The following CSMD1 variants were observed in gnomAD, a reference collection of about 807,000 sequenced individuals.
CSMD1 encodes the protein CUB and sushi domain-containing protein 1.
In CSMD1, 213 loss-of-function variants were observed where a neutral mutation model predicts 417.5. That is an observed-to-expected ratio of 0.51 (90% CI 0.46 to 0.57). The LOEUF (loss-of-function observed/expected upper bound fraction) is 0.57. Ranked by LOEUF, CSMD1 falls within the 20% of genes least tolerant of loss-of-function variation. The probability of loss-of-function intolerance (pLI) is 0.00; values close to 1 mark genes in which losing one functional copy is unlikely to be tolerated. For missense variants in CSMD1, 6,923 were observed against 4,529.7 expected (o/e 1.53, Z -15.17); for synonymous variants, 2,862 against 1,736.8 (o/e 1.65, Z -16.11).
At chr8:3,337,473 A>G (rs892530877) in intron 23 of CSMD1, among the ~76,000 whole-genome samples, 1 of 152,174 alleles carries the variant, frequency 6.6e-6, no homozygotes, top group African/African-American at 2.4e-5. Context: ...ATGGCTTCAA[A>G]GATCTCTTTG....
chr8:4,198,410 G>A (rs533937390), intron 3 of CSMD1, among the ~76,000 whole-genome samples: 2 of 152,194 alleles, frequency 1.3e-5, no homozygotes, highest in Non-Finnish European at 2.9e-5. Context: ...AGAATTTTCA[G>A]ATTGGCAATA....
At chr8:4,098,484 C>A (rs2130869977) in intron 3 of CSMD1, among the ~76,000 whole-genome samples, 1 of 152,040 alleles carries the variant, frequency 6.6e-6, no homozygotes, top group Admixed American at 6.6e-5. Flanking sequence ...TTGTCTAGCT[C>A]CTGTGTTTTA....
intron 25 of CSMD1, among the ~76,000 whole-genome samples, chr8:3,295,650 G>T (rs566777008): frequency 7.9e-5 from 12 of 152,242 alleles, no homozygotes; most frequent in African/African-American, 1.9e-4. Flanking sequence ...TTGCTAACTC[G>T]CTCTCCCTTG....
chr8:4,403,828 T>C (rs1422956443), intron 3 of CSMD1, among the ~76,000 whole-genome samples: 1 of 152,166 alleles, frequency 6.6e-6, no homozygotes, highest in Admixed American at 6.5e-5. Flanking sequence ...AAATGGCATC[T>C]GCCATTGGGT....
chr8:4,727,498 C>G (rs1056051510), intron 1 of CSMD1, among the ~76,000 whole-genome samples: 21 of 152,126 alleles, frequency 1.4e-4, no homozygotes, highest in Non-Finnish European at 2.6e-4. Flanking sequence ...TTGGCACTTT[C>G]AAAAAGCAAG....
rs541274312 is a variant in CSMD1, at chr8:4,785,065, A to G, written c.86-147507T>C. ...ATTAGAAGTGGATATTTATATAACT[A>G]TCAGGCAAGAAGGAATCTCTCTGGG... On this transcript the variant is annotated intron_variant, in intron 1 of 69. Transcript: ENST00000635120. Among the ~76,000 whole-genome samples the G allele has an allele frequency of 4.6e-5, 7 of 152,364 alleles. No homozygotes were observed. The East Asian group carries it at 1.3e-3, about 29-fold the overall frequency.
Position 3,806,313 on chromosome 8 carries a change from G to A in CSMD1, c.819-52271C>T, listed in dbSNP as rs190883451. Among the ~76,000 whole-genome samples the A allele has an allele frequency of 1.9e-3, 294 of 152,226 alleles. 1 individual carries two copies. The highest frequency in any genetic ancestry group is 6.7e-3 in the African/African-American group (279 of 41,542). ...ATCGTAATGATGGCCTTAATTCTTT[G>A]GGTAATTAATAGATTCTTTACAACC... is the stretch of plus-strand genomic sequence containing the variant. On this transcript the variant is annotated intron_variant, in intron 5 of 69. Transcript: ENST00000635120.
intron 51 of CSMD1, among the ~76,000 whole-genome samples, chr8:3,028,626 T>A (rs942862958): frequency 6.6e-6 from 1 of 152,238 alleles, no homozygotes; most frequent in African/African-American, 2.4e-5. Flanking sequence ...AAAGTTGAAT[T>A]AAAATTATTA....
intron 3 of CSMD1, among the ~76,000 whole-genome samples, chr8:4,035,640 A>T (rs989303135): frequency 6.6e-5 from 10 of 152,252 alleles, no homozygotes; most frequent in Non-Finnish European, 1.5e-4. Context: ...GAAATTTTAA[A>T]TAGACAAACT....
rs145602787 is a variant in CSMD1 at position 4,629,926 on chromosome 8, C to T, written c.302+7416G>A. ...GCTTTAACTTTCTAAGAGGAATATC[C>T]CAGGAAGCTCCTTCTCTCTAGCCAA... On this transcript the variant is annotated intron_variant, in intron 2 of 69. Transcript: ENST00000635120. Among the ~76,000 whole-genome samples, 640 of 152,180 alleles carry T rather than the reference C, an allele frequency of 4.2e-3. 4 individuals are homozygous for T. The highest frequency in any genetic ancestry group is 0.014 in the Middle Eastern group (4 of 294).
chr8:4,544,386 A>G (rs1371910899), intron 2 of CSMD1, among the ~76,000 whole-genome samples: 1 of 152,064 alleles, frequency 6.6e-6, no homozygotes, highest in Non-Finnish European at 1.5e-5. Context: ...TAAAAAATCT[A>G]TTGTTACTTT....
At chr8:3,010,405 C>T (rs749757989) in intron 52 of CSMD1, among the ~76,000 whole-genome samples, 7 of 152,256 alleles carry the variant, frequency 4.6e-5, no homozygotes, top group Admixed American at 2.6e-4. Context: ...TGCCCTAGAG[C>T]GGGTGTCAGA....
intron 20 of CSMD1, 93 bp downstream of exon 20, chr8:3,366,939 A>G (rs1809611959): frequency 4.1e-6 from 4 of 980,974 alleles, no homozygotes; most frequent in Middle Eastern, 4.9e-4. Flanking sequence ...GGATGCACAC[A>G]TTACACACAC....
intron 7 of CSMD1, among the ~76,000 whole-genome samples, chr8:3,669,787 G>C (rs1175244977): frequency 6.6e-6 from 1 of 152,102 alleles, no homozygotes. Flanking sequence ...AGAGCCCTCA[G>C]GGATCCACGT....
intron 11 of CSMD1, among the ~76,000 whole-genome samples, chr8:3,476,436 T>C (rs1269282280): frequency 6.6e-6 from 1 of 152,190 alleles, no homozygotes; most frequent in Non-Finnish European, 1.5e-5. Context: ...ATAAAATTTT[T>C]CTAGGGTAAA....
chr8:3,051,765 T>A (rs1446176802), intron 50 of CSMD1, among the ~76,000 whole-genome samples: 1 of 152,168 alleles, frequency 6.6e-6, no homozygotes, highest in Non-Finnish European at 1.5e-5. Flanking sequence ...CCAATTTGAG[T>A]CTAGTTTTAA....
At position 3,343,299 on chromosome 8, in the gene CSMD1, T is replaced by A; in HGVS notation, c.3626A>T (p.Tyr1209Phe). The change falls in exon 23 of 70, where the codon TAT becomes TTT. Residue 1209 changes from tyrosine to phenylalanine, a missense_variant. By Grantham distance (22) the Tyr-to-Phe change is conservative (BLOSUM62 3). Transcript: ENST00000635120. ...SDTDQGFQLT[Y>F]TSFDLVKCED... ...TTAAGTCGTATGTTACTTACTGGTA[T>A]AGGTGAGTTGAAAACCTTGGTCGGT... 1 of 1,613,214 alleles carries A rather than the reference T, an allele frequency of 6.2e-7. No homozygotes were observed. The highest frequency in any genetic ancestry group is 8.5e-7 in the Non-Finnish European group (1 of 1,179,212).
intron 2 of CSMD1, among the ~76,000 whole-genome samples, chr8:4,468,243 T>A (rs1389864587): frequency 6.6e-6 from 1 of 152,222 alleles, no homozygotes; most frequent in African/African-American, 2.4e-5. Flanking sequence ...GAAGGAGAGC[T>A]GGCTGACTTC....
intron 27 of CSMD1, among the ~76,000 whole-genome samples, chr8:3,227,261 C>G (rs1178256756): frequency 1.3e-5 from 2 of 151,930 alleles, no homozygotes. Flanking sequence ...ATTAGCCGGG[C>G]TTGGTGGTGG....
Sources: gnomAD v4.1 joint callset for allele counts (sites outside exome capture counted in the v4.1 genomes callset) on GRCh38, gnomAD v4.1.1 for gene constraint, MANE v1.5 for transcripts, NCBI Gene and HGNC (gene_info 2026-07-23, HGNC 2026-07-21) for gene names.